C12orf75: variants seen among roughly 807,000 people sequenced by gnomAD.
The protein encoded by C12orf75 is chromosome 12 open reading frame 75.
In C12orf75, 4 loss-of-function variants were observed where a neutral mutation model predicts 11.4. That is an observed-to-expected ratio of 0.35 (90% confidence interval 0.17 to 0.80). The LOEUF (loss-of-function observed/expected upper bound fraction) is 0.80. Ranked by LOEUF, C12orf75 falls within the 30% of genes least tolerant of loss-of-function variation. The pLI is 0.52. For missense variants in C12orf75, 89 were observed against 80.4 expected, an observed-to-expected ratio of 1.11 and a Z score of -0.41; for synonymous variants, 30 against 30.0, an observed-to-expected ratio of 1.00 and a Z score of 0.00.
intron 2 of C12orf75, among the ~76,000 whole-genome samples, chr12:105,354,177 A>G (rs987090856): frequency 7.9e-5 from 12 of 152,172 alleles, no homozygotes; most frequent in African/African-American, 2.9e-4. Context: ...GTAGCATTGA[A>G]AAAGCCTGCA....
chr12:105,336,282 G>A (rs188234023), intron 1 of C12orf75, among the ~76,000 whole-genome samples: 164 of 152,344 alleles, frequency 1.1e-3, no homozygotes, highest in African/African-American at 3.7e-3. Context: ...ACAGAGTTGA[G>A]AGTGGGCTCT....
At chr12:105,339,926 T>G (rs1350146857) in intron 1 of C12orf75, among the ~76,000 whole-genome samples, 1 of 152,056 alleles carries the variant, frequency 6.6e-6, no homozygotes, top group Admixed American at 6.6e-5. Context: ...GGCCCTTGTT[T>G]CTTTTAAAAG....
At chr12:105,362,916 G>A (rs1892893646) in intron 2 of C12orf75, among the ~76,000 whole-genome samples, 2 of 152,224 alleles carry the variant, frequency 1.3e-5, no homozygotes, top group Non-Finnish European at 2.9e-5. Flanking sequence ...AATAGGATTA[G>A]CAAAGTGCCT....
chr12:105,333,536 T>A (rs1011344199), intron 1 of C12orf75, among the ~76,000 whole-genome samples: 1 of 151,894 alleles, frequency 6.6e-6, no homozygotes, highest in African/African-American at 2.4e-5. Context: ...AAAAAAAAAA[T>A]GTACAAAGAG....
intron 1 of C12orf75, among the ~76,000 whole-genome samples, chr12:105,345,660 T>TTTTTTTC (rs1892630762): frequency 4.0e-5 from 1 of 25,226 alleles, no homozygotes; most frequent in Admixed American, 5.0e-4. Flanking sequence ...GTGTCTGGCC[T>TTTTTTTC]TTTTTTTTTT....
At chr12:105,367,554 G>T in intron 5 of C12orf75, 45 bp downstream of exon 5, 1 of 497,572 alleles carries the variant, frequency 2.0e-6, no homozygotes, top group South Asian at 3.1e-5. Flanking sequence ...TAGACTTATT[G>T]ATGAATGGAC....
At chr12:105,362,463 T>G (rs541406928) in intron 2 of C12orf75, among the ~76,000 whole-genome samples, 12 of 144,300 alleles carry the variant, frequency 8.3e-5, no homozygotes, top group African/African-American at 3.1e-4. Context: ...GTCAGGAGAT[T>G]GAGACCATCC....
chr12:105,331,659 T>C (rs982391696), intron 1 of C12orf75, among the ~76,000 whole-genome samples: 15 of 152,014 alleles, frequency 9.9e-5, no homozygotes, highest in African/African-American at 3.1e-4. Context: ...TTCATGTTGA[T>C]TGGCAGGCAA....
rs1871620215 is a variant in C12orf75 at position 105,371,296 on chromosome 12, C to T, written c.*696C>T. The stretch of plus-strand genomic sequence containing the variant: ...CATTTTTATTTTCTTTCGTGAAAGG[C>T]ATGTGCAACTACAAATACTTCATAG... On this transcript the variant is annotated 3_prime_UTR_variant, in exon 6 of 6. Coordinates refer to ENST00000443585, the MANE Select transcript of C12orf75 (RefSeq NM_001145199.2). The T allele has an allele frequency of 2.0e-5, 3 of 152,382 alleles. No individual in the cohort carries two copies. Among genetic ancestry groups the T allele is most frequent in the South Asian group, 2.1e-4 (1 of 4,830 alleles). 9.4% of individuals were successfully genotyped at this position (152,382 alleles called of 1,614,324 possible).
At chr12:105,331,318 C>T (rs574805269) in intron 1 of C12orf75, among the ~76,000 whole-genome samples, 113 of 152,124 alleles carry the variant, frequency 7.4e-4, no homozygotes, top group African/African-American at 2.6e-3. Flanking sequence ...TCTCCCCCAT[C>T]TCCTCGGAAC....
chr12:105,358,929 G>T (rs558562775), intron 2 of C12orf75, among the ~76,000 whole-genome samples: 8 of 152,232 alleles, frequency 5.3e-5, no homozygotes, highest in African/African-American at 1.7e-4. Flanking sequence ...ATGATGTTTC[G>T]ACCAAACCCC....
At chr12:105,361,664 C>T (rs1892867750) in intron 2 of C12orf75, among the ~76,000 whole-genome samples, 1 of 152,152 alleles carries the variant, frequency 6.6e-6, no homozygotes, top group Non-Finnish European at 1.5e-5. Context: ...GTCTTTATTG[C>T]TGTGTATTGA....
At chr12:105,333,797 A>G (rs1430211177) in intron 1 of C12orf75, among the ~76,000 whole-genome samples, 2 of 152,214 alleles carry the variant, frequency 1.3e-5, no homozygotes, top group African/African-American at 2.4e-5. Flanking sequence ...TTTTGAAGGC[A>G]AAGTGGTTTT....
intron 1 of C12orf75, among the ~76,000 whole-genome samples, chr12:105,332,799 A>G (rs534767919): frequency 1.3e-5 from 2 of 150,424 alleles, no homozygotes; most frequent in East Asian, 1.9e-4. Context: ...AGCTAGCTCT[A>G]AAATGTTAAT....
At position 105,363,864 on chromosome 12, in the gene C12orf75, T is replaced by G. The variant is rs188320663; in HGVS notation, c.72-1943T>G. Among the ~76,000 whole-genome samples, 4 of 152,306 alleles carry G rather than the reference T, an allele frequency of 2.6e-5. No homozygotes were observed. In the South Asian group the frequency reaches 8.3e-4, roughly 32 times the overall value. ...ATTATCATTTCCTGCCAGTTATACA[T>G]GTAAGGTTGTTGATTAATTTTATAA... On this transcript the variant is annotated intron_variant, in intron 2 of 5. Transcript: ENST00000443585.
intron 5 of C12orf75, among the ~76,000 whole-genome samples, chr12:105,368,427 C>T (rs535417008): frequency 8.5e-5 from 13 of 152,310 alleles, no homozygotes; most frequent in South Asian, 2.1e-4. Context: ...TAGCTGGGCA[C>T]GTTCCTTCCC....
chr12:105,367,553 T>TTA, intron 5 of C12orf75, 44 bp downstream of exon 5: 1 of 504,072 alleles, frequency 2.0e-6, no homozygotes, highest in Non-Finnish European at 3.6e-6. Context: ...TTAGACTTAT[T>TTA]GATGAATGGA....
intron 5 of C12orf75, 71 bp downstream of exon 5, chr12:105,367,580 C>A: frequency 2.6e-6 from 1 of 384,758 alleles, no homozygotes; most frequent in Non-Finnish European, 4.8e-6. Flanking sequence ...ATATTATTTG[C>A]TCTATAAAAA....
chr12:105,347,751 A>G (rs775396428), intron 1 of C12orf75, among the ~76,000 whole-genome samples: 6 of 152,204 alleles, frequency 3.9e-5, no homozygotes, highest in Non-Finnish European at 8.8e-5. Flanking sequence ...AGTTCAATCA[A>G]GTAGACGCTC....
Sources: allele counts gnomAD v4.1 joint callset (sites outside exome capture counted in the v4.1 genomes callset), GRCh38; gene constraint gnomAD v4.1.1; transcripts MANE v1.5; gene names NCBI Gene and HGNC (gene_info 2026-07-23, HGNC 2026-07-21).